RAMP1: variants seen among roughly 807,000 people sequenced by gnomAD.
The protein encoded by RAMP1 is receptor activity-modifying protein 1.
Under a neutral mutation model 8.2 loss-of-function variants are expected in RAMP1, and 7 were observed. The observed-to-expected ratio is 0.85, with a 90% CI of 0.49 to 1.60. RAMP1 has a LOEUF of 1.60. RAMP1 is among the 40% of genes most tolerant of loss of function. The pLI, the probability that RAMP1 is intolerant of heterozygous loss-of-function variation, is 0.00. For synonymous variants in RAMP1, 92 were observed against 84.7 expected (o/e 1.09, Z -0.47); for missense variants, 192 against 202.4 (o/e 0.95, Z 0.31).
In RAMP1 at chr2:237,862,276, A is replaced by G. The variant is rs1332677893; in HGVS notation, c.52+2549A>G. 3.9e-5 allele frequency among the ~76,000 whole-genome samples: 6 copies of G among 152,226 alleles called. No individual in the cohort carries two copies. The highest frequency in any genetic ancestry group is 1.4e-4 in the African/African-American group (6 of 41,456). ...AATCTGGACACAGTTCTCATGCCAA[A>G]GTCCAAATCTGAAGGATTCTTATTT... On this transcript the variant is annotated intron_variant, in intron 1 of 2. Coordinates refer to ENST00000254661, the MANE Select transcript of RAMP1 (RefSeq NM_005855.4). The surrounding 1 kb of genome is among the most constrained non-coding windows in gnomAD (Gnocchi z 4.0).
At chr2:237,869,744 G>T (rs1212106891) in intron 1 of RAMP1, among the ~76,000 whole-genome samples, 4 of 152,238 alleles carry the variant, frequency 2.6e-5, no homozygotes, top group Admixed American at 6.5e-5. Context: ...ATCTCTGTGA[G>T]ACCCTGCTTC....
rs760680585 is a variant in RAMP1, at chr2:237,877,394, C to T, written c.191+32C>T. The T allele has an allele frequency of 1.9e-5, 30 of 1,594,826 alleles. No individual in the cohort carries two copies. The highest frequency in any genetic ancestry group is 3.4e-5 in the South Asian group (3 of 87,564). ...CCCATGGCCCCTGGTGGGCAGGACACGGTTGGGGAGGGAGAGGGGGCAAGC... is the reference window on the plus strand; with the variant it reads ...CCCATGGCCCCTGGTGGGCAGGACATGGTTGGGGAGGGAGAGGGGGCAAGC... On this transcript the variant is annotated intron_variant, in intron 2 of 2. Transcript: ENST00000254661. The surrounding 1 kb of genome is among the most constrained non-coding windows in gnomAD (Gnocchi z 4.4).
chr2:237,875,414 A>C (rs1008083847), intron 1 of RAMP1, among the ~76,000 whole-genome samples: 4 of 149,372 alleles, frequency 2.7e-5, no homozygotes, highest in Admixed American at 2.6e-4. Flanking sequence ...TTCTGCCCTC[A>C]GCCTTCCCAG....
At chr2:237,889,287 T>C (rs1290269919) in intron 2 of RAMP1, among the ~76,000 whole-genome samples, 1 of 152,236 alleles carries the variant, frequency 6.6e-6, no homozygotes, top group East Asian at 1.9e-4. Context: ...GTGAGAGTCA[T>C]ATGCCCACAA....
intron 2 of RAMP1, among the ~76,000 whole-genome samples, chr2:237,893,977 T>C (rs2062512630): frequency 6.9e-6 from 1 of 144,414 alleles, no homozygotes; most frequent in Non-Finnish European, 1.5e-5. Context: ...TTTCTTTTTT[T>C]TTTTTTTTTT....
Position 237,911,723 on chromosome 2 carries a change from G to T in RAMP1, c.387G>T (p.Val129=). Reference sequence around the variant, plus strand: ...CCTTCATCGTGGTCCCCATCACGGTGACCCTGCTGGTGACGGCACTGGTGG... The same window carrying T: ...CCTTCATCGTGGTCCCCATCACGGTTACCCTGCTGGTGACGGCACTGGTGG... ...LYPFIVVPIT[V]TLLVTALVVW... is the part of the protein sequence containing the mutation. The change falls in exon 3 of 3, where the codon GTG becomes GTT. Residue 129 remains valine (V), a synonymous_variant. Transcript: ENST00000254661. 6.2e-7 allele frequency: 1 copy of T among 1,613,690 alleles called. No individual in the cohort carries two copies.
chr2:237,890,710 G>A (rs1331130977), intron 2 of RAMP1, among the ~76,000 whole-genome samples: 1 of 152,196 alleles, frequency 6.6e-6, no homozygotes, highest in African/African-American at 2.4e-5. Context: ...TCAGTTAACT[G>A]AAACATGCTG....
At chr2:237,883,348 C>T (rs1413800166) in intron 2 of RAMP1, among the ~76,000 whole-genome samples, 3 of 152,168 alleles carry the variant, frequency 2.0e-5, no homozygotes, top group Non-Finnish European at 4.4e-5. Context: ...CAAAGGCGGC[C>T]GGCCAGCCTT....
intron 2 of RAMP1, among the ~76,000 whole-genome samples, chr2:237,882,172 A>G (rs2062376929): frequency 6.6e-6 from 1 of 152,114 alleles, no homozygotes; most frequent in Admixed American, 6.5e-5. Flanking sequence ...CTGAGATGCC[A>G]CCTTTGTCAT....
intron 2 of RAMP1, among the ~76,000 whole-genome samples, chr2:237,882,628 G>A (rs2062382231): frequency 1.3e-5 from 2 of 152,210 alleles, no homozygotes; most frequent in African/African-American, 4.8e-5. Flanking sequence ...TACCAACCTG[G>A]TGAGGTCCAT....
At chr2:237,893,203 A>G (rs2062503568) in intron 2 of RAMP1, among the ~76,000 whole-genome samples, 2 of 152,184 alleles carry the variant, frequency 1.3e-5, no homozygotes, top group Non-Finnish European at 2.9e-5. Flanking sequence ...CTGTTGTTCC[A>G]TTGTCTCTGG....
intron 1 of RAMP1, among the ~76,000 whole-genome samples, chr2:237,867,477 T>C (rs76008392): frequency 0.086 from 12,906 of 149,346 alleles, 681 homozygotes; most frequent in Middle Eastern, 0.19. Context: ...TTTTTTATTG[T>C]ATTTTTGTGG....
intron 2 of RAMP1, among the ~76,000 whole-genome samples, chr2:237,898,813 A>ACGGAGAGGGGC: frequency 6.6e-6 from 1 of 152,306 alleles, no homozygotes; most frequent in East Asian, 1.9e-4. Flanking sequence ...TCCACACCTG[A>ACGGAGAGGGGC]CGCACGCCAG....
intron 2 of RAMP1, among the ~76,000 whole-genome samples, chr2:237,897,100 C>T (rs968686430): frequency 2.6e-5 from 4 of 152,366 alleles, no homozygotes; most frequent in African/African-American, 9.6e-5. Flanking sequence ...GTGTGGCACT[C>T]AGCTATCATG....
At chr2:237,860,123 C>T (rs1428990073) in intron 1 of RAMP1, 17 of 166,386 alleles carry the variant, frequency 1.0e-4, no homozygotes, top group Non-Finnish European at 1.3e-5. Context: ...GCGCAGGCTC[C>T]CTTCCCTAGG....
At chr2:237,894,219 C>A (rs1298154143) in intron 2 of RAMP1, among the ~76,000 whole-genome samples, 4 of 152,108 alleles carry the variant, frequency 2.6e-5, no homozygotes, top group Non-Finnish European at 2.9e-5. Context: ...GATCAGCCCA[C>A]CTTGGCCCTC....
intron 1 of RAMP1, among the ~76,000 whole-genome samples, chr2:237,876,334 G>A (rs1559939564): frequency 6.6e-6 from 1 of 152,190 alleles, no homozygotes; most frequent in Admixed American, 6.5e-5. Flanking sequence ...CAGGCGGTGG[G>A]CTGCAGGGGC....
At chr2:237,870,326 G>C (rs1170012194) in intron 1 of RAMP1, among the ~76,000 whole-genome samples, 4 of 152,232 alleles carry the variant, frequency 2.6e-5, no homozygotes, top group African/African-American at 9.6e-5. Context: ...TGCAGGATGG[G>C]GTGGTGTGGG....
chr2:237,869,196 A>G (rs994795938), intron 1 of RAMP1, among the ~76,000 whole-genome samples: 9 of 152,140 alleles, frequency 5.9e-5, no homozygotes, highest in African/African-American at 9.7e-5. Context: ...GGGGAATTCC[A>G]TATGTGACCC....
Sources: allele counts gnomAD v4.1 joint callset (sites outside exome capture counted in the v4.1 genomes callset), GRCh38; gene constraint gnomAD v4.1.1; non-coding constraint Gnocchi (gnomAD v3.1); transcripts MANE v1.5; gene names NCBI Gene and HGNC (gene_info 2026-07-23, HGNC 2026-07-21).